Variants in PARVG observed in about 807,000 individuals in gnomAD.
The protein encoded by PARVG is parvin gamma.
A neutral mutation model predicts 44.4 loss-of-function variants in PARVG; 36 were observed. The ratio of observed to expected loss-of-function variants is 0.81; its 90% CI spans 0.62 to 1.07. The LOEUF is 1.07. Ranked by LOEUF, PARVG falls within the 50% of genes least tolerant of loss-of-function variation. PARVG has a pLI of 0.00. For synonymous variants in PARVG, 170 were observed against 174.1 expected (o/e 0.98, Z 0.19); for missense variants, 407 against 407.4 (o/e 1.00, Z 0.01).
rs897633197 is a variant in PARVG, at chr22:44,181,813, G to C, written c.-117G>C. Reference sequence around the variant, plus strand: ...AGCGGGGCTCCTGCCTCCCGGCCTGGTCCCCGAAGACCCCAGAAGAACCCG... The same window carrying C: ...AGCGGGGCTCCTGCCTCCCGGCCTGCTCCCCGAAGACCCCAGAAGAACCCG... On this transcript the variant is annotated 5_prime_UTR_variant, in exon 2 of 14. Coordinates refer to ENST00000444313, the MANE Select transcript of PARVG (RefSeq NM_022141.7). 3 of 985,512 alleles carry C rather than the reference G, an allele frequency of 3.0e-6. No individual in the cohort carries two copies. Among genetic ancestry groups the C allele is most frequent in the Non-Finnish European group, 3.6e-6 (3 of 830,010 alleles). The allele number at this position is 985,512 out of a possible 1,614,324, so 61.0% of individuals were successfully genotyped here. A position where few individuals can be genotyped will look rare whatever the true frequency, so the allele number is the denominator to read the frequency against.
chr22:44,186,025 G>A (rs1045936797), intron 4 of PARVG, 153 bp downstream of exon 4: 6 of 546,238 alleles, frequency 1.1e-5, no homozygotes, highest in Non-Finnish European at 2.0e-5. Context: ...CCTGTTGAAT[G>A]GAGCAAGTCA....
rs780103310 is a variant in PARVG at position 44,185,786 on chromosome 22, G to C, written c.80-22G>C. On this transcript the variant is annotated intron_variant, in intron 3 of 13. Transcript: ENST00000444313. ...CGCCCCACAGGGTCCCCATGCGCTT[G>C]TCATACCCACTCTGCTTCCAGGAGG... The C allele has an allele frequency of 1.1e-5, 17 of 1,609,218 alleles. No individual in the cohort carries two copies. In the African/African-American group the frequency reaches 1.6e-4, roughly 15 times the overall value.
At position 44,198,645 on chromosome 22, in the gene PARVG, T is replaced by A; in HGVS notation, c.736T>A (p.Leu246Met). Residue 246 changes from leucine to methionine, a missense_variant, in exon 12 of 14, where the codon TTG (leucine) becomes ATG (methionine). Physicochemically the swap from Leu to Met is conservative, Grantham distance 15. Coordinates refer to ENST00000444313, the MANE Select transcript of PARVG (RefSeq NM_022141.7). ...TQFADGVILL[L>M]LIGQLEGFFL... Reference sequence around the variant, plus strand: ...GTTTGCAGATGGGGTCATCTTACTCTTGCTGATTGGACAACTTGAAGGCTT... The same window carrying A: ...GTTTGCAGATGGGGTCATCTTACTCATGCTGATTGGACAACTTGAAGGCTT... 1 of 1,613,868 alleles carries A rather than the reference T, an allele frequency of 6.2e-7. No individual in the cohort carries two copies. Among genetic ancestry groups the A allele is most frequent in the South Asian group, 1.1e-5 (1 of 91,076 alleles).
At chr22:44,192,167 T>G (rs1555917464) in intron 8 of PARVG, 63 bp downstream of exon 8, 159 of 1,304,298 alleles carry the variant, frequency 1.2e-4, no homozygotes, top group Non-Finnish European at 1.5e-4. Context: ...GGGGGCAGGG[T>G]GGGGGCCAGG....
chr22:44,202,616 T>A (rs2054724680), intron 12 of PARVG, among the ~76,000 whole-genome samples: 1 of 152,374 alleles, frequency 6.6e-6, no homozygotes, highest in African/African-American at 2.4e-5. Flanking sequence ...AATGAATTTT[T>A]ACAGCATATT....
chr22:44,183,510 G>GGGA, intron 3 of PARVG, 102 bp downstream of exon 3: 9 of 1,185,530 alleles, frequency 7.6e-6, no homozygotes, highest in Non-Finnish European at 1.0e-5. Flanking sequence ...GCTGTCAGCT[G>GGGA]AGCGCCCAAT....
rs1417915317 is a variant in PARVG, at chr22:44,181,172, T to C, written c.-202T>C. 2.6e-6 allele frequency: 1 copy of C among 382,834 alleles called. No individual in the cohort carries two copies. Among genetic ancestry groups the C allele is most frequent in the African/African-American group, 2.2e-5 (1 of 45,654 alleles). The allele number at this position is 382,834 out of a possible 1,614,324, so 23.7% of individuals were successfully genotyped here. Reference sequence around the variant, plus strand: ...ACTGAGCCCACTTTGTGCCAAGCATTGTTCTAGACACGGGTATGTAACCGC... The same window carrying C: ...ACTGAGCCCACTTTGTGCCAAGCATCGTTCTAGACACGGGTATGTAACCGC... On this transcript the variant is annotated 5_prime_UTR_variant, in exon 1 of 14. Coordinates refer to ENST00000444313, the MANE Select transcript of PARVG (RefSeq NM_022141.7).
At chr22:44,200,313 G>C (rs1386656250) in intron 12 of PARVG, among the ~76,000 whole-genome samples, 3 of 152,230 alleles carry the variant, frequency 2.0e-5, no homozygotes, top group Non-Finnish European at 4.4e-5. Context: ...AGAGGCCTGA[G>C]TCTTGTGCTC....
rs750926485 is a variant in PARVG, at chr22:44,183,325, A to C, written c.-5A>C. On this transcript the variant is annotated 5_prime_UTR_variant, in exon 3 of 14. Transcript: ENST00000444313. ...CCTGCCTCCTCTGTGCAGGCTTGGGAGGCGATGGAGCCGGAGTTCTTGTAC... is the reference window on the plus strand; with the variant it reads ...CCTGCCTCCTCTGTGCAGGCTTGGGCGGCGATGGAGCCGGAGTTCTTGTAC... The C allele has an allele frequency of 1.9e-6, 3 of 1,608,212 alleles. No homozygotes were observed. The highest frequency in any genetic ancestry group is 2.5e-6 in the Non-Finnish European group (3 of 1,178,308).
chr22:44,176,044 C>G (rs1008774363), upstream of PARVG, among the ~76,000 whole-genome samples: 1 of 152,174 alleles, frequency 6.6e-6, no homozygotes, highest in African/African-American at 2.4e-5. Flanking sequence ...TTCTGATGTT[C>G]TCGATGGCTT....
chr22:44,201,348 C>G (rs960341400), intron 12 of PARVG, among the ~76,000 whole-genome samples: 1 of 152,162 alleles, frequency 6.6e-6, no homozygotes, highest in African/African-American at 2.4e-5. Flanking sequence ...GCCCAGGGCC[C>G]GAGAGGCTTA....
chr22:44,198,846 CTA>C (rs1217549549), intron 12 of PARVG, 124 bp downstream of exon 12: 57 of 720,086 alleles, frequency 7.9e-5, no homozygotes, highest in Non-Finnish European at 1.1e-4. Context: ...GCTTATTTGT[CTA>C]TATGTCTGCC....
intron 9 of PARVG, 95 bp from the exon 10 acceptor site, chr22:44,196,060 G>T: frequency 7.3e-7 from 1 of 1,377,380 alleles, no homozygotes; most frequent in Non-Finnish European, 1.0e-6. Flanking sequence ...CTCTGGACTG[G>T]TTATTCTAAG....
At chr22:44,183,887 C>A in intron 3 of PARVG, 1 of 356,046 alleles carries the variant, frequency 2.8e-6, no homozygotes, top group Non-Finnish European at 5.0e-6. Context: ...CAGCGATGCC[C>A]ACCATGGAGT....
At chr22:44,181,412 G>T in intron 1 of PARVG, 1 of 985,190 alleles carries the variant, frequency 1.0e-6, no homozygotes, top group Non-Finnish European at 1.2e-6. Flanking sequence ...AAGGGGCCTG[G>T]CCCGGGGCGG....
At chr22:44,173,880 G>A (rs974424354) in intron 1 of PARVG, among the ~76,000 whole-genome samples, 1 of 152,162 alleles carries the variant, frequency 6.6e-6, no homozygotes, top group Admixed American at 6.5e-5. Flanking sequence ...GAATCACCGG[G>A]CCCCCCTGTG....
intron 3 of PARVG, chr22:44,183,983 C>G (rs990394609): frequency 1.5e-5 from 3 of 196,936 alleles, no homozygotes; most frequent in African/African-American, 7.0e-5. Flanking sequence ...TAGGATGGAG[C>G]AATTCAACGA....
At chr22:44,199,628 C>T (rs77617362) in intron 12 of PARVG, among the ~76,000 whole-genome samples, 2,295 of 152,232 alleles carry the variant, frequency 0.015, 61 homozygotes, top group African/African-American at 0.053. Context: ...GTTCAGATGC[C>T]TGGGTCAGAG....
At chr22:44,195,477 A>G (rs913622296) in intron 9 of PARVG, among the ~76,000 whole-genome samples, 4 of 152,194 alleles carry the variant, frequency 2.6e-5, no homozygotes, top group Non-Finnish European at 4.4e-5. Flanking sequence ...TGTTAGCTGC[A>G]AATAGCAGGA....
Sources: allele counts gnomAD v4.1 joint callset (sites outside exome capture counted in the v4.1 genomes callset), GRCh38; gene constraint gnomAD v4.1.1; transcripts MANE v1.5; gene names NCBI Gene and HGNC (gene_info 2026-07-23, HGNC 2026-07-21).